The following RALGAPA2 variants were observed in gnomAD, a reference collection of about 807,000 sequenced individuals.
RALGAPA2 encodes ral GTPase-activating protein subunit alpha-2.
RALGAPA2 carries 139 observed loss-of-function variants against 230.4 expected under a neutral mutation model. The ratio of observed to expected loss-of-function variants is 0.60; its 90% CI spans 0.53 to 0.69. RALGAPA2 has a LOEUF of 0.69. RALGAPA2 is among the 30% of genes least tolerant of loss of function. The pLI is 0.00. For synonymous variants in RALGAPA2, 847 were observed against 837.8 expected, an observed-to-expected ratio of 1.01 and a Z score of -0.19; for missense variants, 2,163 against 2,276.0, an observed-to-expected ratio of 0.95 and a Z score of 1.01.
At chr20:20,447,646 T>G (rs1030489656) in intron 37 of RALGAPA2, among the ~76,000 whole-genome samples, 1 of 151,304 alleles carries the variant, frequency 6.6e-6, no homozygotes, top group Non-Finnish European at 1.5e-5. Context: ...TTTTTTTTTT[T>G]AACTAGGTCA....
chr20:20,492,549 A>G (rs367550435), intron 36 of RALGAPA2, among the ~76,000 whole-genome samples: 14 of 152,274 alleles, frequency 9.2e-5, no homozygotes, highest in East Asian at 3.9e-4. Context: ...AGGCTGGGGA[A>G]TGGGTAAATT....
At chr20:20,473,025 C>A in intron 36 of RALGAPA2, 69 bp from the exon 37 acceptor site, 1 of 1,487,988 alleles carries the variant, frequency 6.7e-7, no homozygotes, top group South Asian at 1.3e-5. Flanking sequence ...ATGAGAGTAG[C>A]TGACTGATGT....
chr20:20,645,869 CACAGA>C (rs1424637195), intron 4 of RALGAPA2, among the ~76,000 whole-genome samples: 1 of 151,876 alleles, frequency 6.6e-6, no homozygotes, highest in Admixed American at 6.6e-5. Flanking sequence ...CATATAAATG[CACAGA>C]ACAGTGCCGG....
Position 20,503,419 on chromosome 20 carries a change from T to C in RALGAPA2, c.5140A>G (p.Thr1714Ala). The change falls in exon 35 of 40, where the codon ACT becomes GCT. Residue 1714 changes from threonine (T) to alanine (A), a missense_variant. Physicochemically the swap from Thr to Ala is moderately conservative, Grantham distance 58 (BLOSUM62 0). Coordinates refer to ENST00000202677, the MANE Select transcript of RALGAPA2 (RefSeq NM_020343.4). ...GAAACATGGAAAATCACTTCCACAG[T>C]TGAGGTAGCATAGTAAGGGGCCGTC... ...GQTAPYYATSTVEVIFHVSTR... is the reference protein window; with the variant it reads ...GQTAPYYATSAVEVIFHVSTR... 1 of 1,607,282 alleles carries C rather than the reference T, an allele frequency of 6.2e-7. No individual in the cohort carries two copies. The highest frequency in any genetic ancestry group is 8.5e-7 in the Non-Finnish European group (1 of 1,175,912).
intron 23 of RALGAPA2, among the ~76,000 whole-genome samples, chr20:20,554,487 T>C (rs1312354300): frequency 6.6e-6 from 1 of 152,242 alleles, no homozygotes; most frequent in Admixed American, 6.5e-5. Context: ...TGAATAATGA[T>C]GCTGAGTATC....
At chr20:20,540,142 G>C (rs1452728033) in intron 24 of RALGAPA2, among the ~76,000 whole-genome samples, 1 of 152,132 alleles carries the variant, frequency 6.6e-6, no homozygotes, top group Admixed American at 6.5e-5. Flanking sequence ...GGATTGCTGG[G>C]TCATATGGTA....
intron 23 of RALGAPA2, among the ~76,000 whole-genome samples, chr20:20,566,365 G>C (rs2064423420): frequency 6.6e-6 from 1 of 152,116 alleles, no homozygotes; most frequent in South Asian, 2.1e-4. Flanking sequence ...AGCATACATG[G>C]GTAAAACAAA....
intron 37 of RALGAPA2, among the ~76,000 whole-genome samples, chr20:20,470,412 C>G (rs1569426359): frequency 6.6e-6 from 1 of 152,136 alleles, no homozygotes; most frequent in African/African-American, 2.4e-5. Flanking sequence ...AAAACTACTC[C>G]AAAGTAATTC....
chr20:20,631,936 T>A (rs1304357394), intron 9 of RALGAPA2, among the ~76,000 whole-genome samples: 3 of 152,066 alleles, frequency 2.0e-5, no homozygotes, highest in Admixed American at 2.0e-4. Context: ...CTCAACTGAC[T>A]TGCAGGAAGC....
intron 35 of RALGAPA2, among the ~76,000 whole-genome samples, chr20:20,496,787 A>T (rs1602546061): frequency 6.6e-6 from 1 of 152,208 alleles, no homozygotes; most frequent in African/African-American, 2.4e-5. Context: ...TTTTCTGTTT[A>T]TAAGGTTACA....
chr20:20,503,205 C>T (rs117849343), intron 35 of RALGAPA2, 146 bp downstream of exon 35: 2 of 722,810 alleles, frequency 2.8e-6, no homozygotes, highest in Non-Finnish European at 2.0e-6. Flanking sequence ...ATTTAAGACG[C>T]CTTCTTTCCC....
At chr20:20,698,989 A>C (rs890740150) in intron 1 of RALGAPA2, among the ~76,000 whole-genome samples, 7 of 152,356 alleles carry the variant, frequency 4.6e-5, no homozygotes, top group Middle Eastern at 3.4e-3. Context: ...AATATATTTT[A>C]ATCTCTAAGT....
intron 15 of RALGAPA2, among the ~76,000 whole-genome samples, chr20:20,604,493 A>C (rs1178011353): frequency 6.6e-6 from 1 of 152,330 alleles, no homozygotes; most frequent in East Asian, 1.9e-4. Context: ...ATAGTGTGAC[A>C]TCTTGAGTTG....
intron 37 of RALGAPA2, among the ~76,000 whole-genome samples, chr20:20,457,217 T>G (rs2061143257): frequency 6.6e-6 from 1 of 152,182 alleles, no homozygotes; most frequent in Non-Finnish European, 1.5e-5. Flanking sequence ...GGGCTGGCAG[T>G]AGAGCCCTCA....
chr20:20,436,133 C>T (rs2060607069), intron 37 of RALGAPA2, among the ~76,000 whole-genome samples: 1 of 152,206 alleles, frequency 6.6e-6, no homozygotes, highest in Non-Finnish European at 1.5e-5. Context: ...CCCCGTCTGT[C>T]TGCCTAAATC....
Position 20,469,885 on chromosome 20 carries a change from T to A in RALGAPA2, c.5495+2944A>T, listed in dbSNP as rs148808471. On this transcript the variant is annotated intron_variant, in intron 37 of 39. Transcript: ENST00000202677. ...ATAGAAAAAGCAGATGGCAGGTGAG[T>A]TGGCCCTCATCACTCAGAAAAGCAG... Among the ~76,000 whole-genome samples the A allele has an allele frequency of 2.0e-5, 3 of 152,142 alleles. No homozygotes were observed. In the East Asian group the frequency reaches 5.8e-4, roughly 29 times the overall value.
intron 16 of RALGAPA2, among the ~76,000 whole-genome samples, chr20:20,594,877 C>A (rs2146137257): frequency 6.6e-6 from 1 of 152,028 alleles, no homozygotes; most frequent in South Asian, 2.1e-4. Context: ...TACAGGCACA[C>A]AACTGGCTAG....
chr20:20,568,689 C>T (rs2064528001), intron 23 of RALGAPA2, among the ~76,000 whole-genome samples: 1 of 152,092 alleles, frequency 6.6e-6, no homozygotes. Flanking sequence ...AATTTTGATA[C>T]CTTCAGATTT....
chr20:20,478,198 A>G (rs1423595393), intron 36 of RALGAPA2, among the ~76,000 whole-genome samples: 1 of 152,252 alleles, frequency 6.6e-6, no homozygotes, highest in African/African-American at 2.4e-5. Context: ...ATGGAAATTT[A>G]GCAATATGTT....
Sources: gnomAD v4.1 joint callset for allele counts (sites outside exome capture counted in the v4.1 genomes callset) on GRCh38, gnomAD v4.1.1 for gene constraint, MANE v1.5 for transcripts, NCBI Gene and HGNC (gene_info 2026-07-23, HGNC 2026-07-21) for gene names.